Variants in ZNF385B observed in about 807,000 individuals in gnomAD.
ZNF385B encodes zinc finger protein 385B, also known as zinc finger protein 533.
A neutral mutation model predicts 39.2 loss-of-function variants in ZNF385B; 23 were observed. That is an observed-to-expected ratio of 0.59 (90% confidence interval 0.42 to 0.83). The LOEUF is 0.83. Among genes scored for constraint, ZNF385B ranks in the 40% least tolerant of loss-of-function variants. ZNF385B has a pLI of 0.00. For missense variants in ZNF385B, 552 were observed against 598.9 expected, an observed-to-expected ratio of 0.92 and a Z score of 0.82; for synonymous variants, 205 against 222.6, an observed-to-expected ratio of 0.92 and a Z score of 0.70.
chr2:179,446,256 A>C (rs1252675113), intron 7 of ZNF385B, among the ~76,000 whole-genome samples: 1 of 152,104 alleles, frequency 6.6e-6, no homozygotes, highest in Non-Finnish European at 1.5e-5. Flanking sequence ...ATTTATCTTC[A>C]TCTTTGTCAC....
At chr2:179,857,675 G>C (rs1249934638) in intron 1 of ZNF385B, among the ~76,000 whole-genome samples, 1 of 152,180 alleles carries the variant, frequency 6.6e-6, no homozygotes, top group Non-Finnish European at 1.5e-5. Flanking sequence ...GGGAGGGGGA[G>C]CTAGTGGGAT....
At chr2:179,644,809 A>G (rs1350120218) in intron 3 of ZNF385B, among the ~76,000 whole-genome samples, 1 of 152,064 alleles carries the variant, frequency 6.6e-6, no homozygotes, top group Non-Finnish European at 1.5e-5. Flanking sequence ...TTTCCTAAAA[A>G]GCATCCCTTT....
At chr2:179,671,991 G>A (rs915651101) in intron 3 of ZNF385B, among the ~76,000 whole-genome samples, 3 of 152,234 alleles carry the variant, frequency 2.0e-5, no homozygotes, top group Admixed American at 1.3e-4. Context: ...TCCAGCTCAA[G>A]AGAACTGCAG....
At chr2:179,850,126 T>TG (rs965670174) in intron 1 of ZNF385B, among the ~76,000 whole-genome samples, 14 of 152,124 alleles carry the variant, frequency 9.2e-5, no homozygotes, top group African/African-American at 1.4e-4. Flanking sequence ...AATAAAAAGC[T>TG]GGGGGGGAAA....
At chr2:179,818,421 T>C (rs572994665) in intron 1 of ZNF385B, among the ~76,000 whole-genome samples, 8 of 152,206 alleles carry the variant, frequency 5.3e-5, no homozygotes, top group Admixed American at 3.3e-4. Flanking sequence ...AATAACCTGA[T>C]ATAATTAACT....
At chr2:179,613,973 T>G (rs536396292) in intron 3 of ZNF385B, among the ~76,000 whole-genome samples, 11 of 150,600 alleles carry the variant, frequency 7.3e-5, no homozygotes, top group African/African-American at 2.7e-4. Context: ...CTGCCTGGTG[T>G]TGTTTTCTGT....
At chr2:179,476,361 A>T (rs541375820) in intron 6 of ZNF385B, among the ~76,000 whole-genome samples, 1 of 152,330 alleles carries the variant, frequency 6.6e-6, no homozygotes, top group South Asian at 2.1e-4. Context: ...GTTAAAATAA[A>T]TTCGAATGAG....
intron 3 of ZNF385B, among the ~76,000 whole-genome samples, chr2:179,668,260 AT>A (rs1329282343): frequency 6.6e-6 from 1 of 152,226 alleles, no homozygotes; most frequent in Admixed American, 6.5e-5. Flanking sequence ...ACCTCAAAAT[AT>A]TTGTTGGTAA....
At chr2:179,531,042 A>G (rs778449250) in intron 4 of ZNF385B, among the ~76,000 whole-genome samples, 2 of 152,172 alleles carry the variant, frequency 1.3e-5, no homozygotes, top group African/African-American at 2.4e-5. Flanking sequence ...CAGTTTTTAG[A>G]AACTGAGTTC....
intron 3 of ZNF385B, among the ~76,000 whole-genome samples, chr2:179,730,207 G>T (rs1029688183): frequency 6.6e-6 from 1 of 152,102 alleles, no homozygotes; most frequent in Non-Finnish European, 1.5e-5. Flanking sequence ...CTAAGTTTAT[G>T]CCCGGGTCCT....
intron 3 of ZNF385B, among the ~76,000 whole-genome samples, chr2:179,589,861 T>C (rs144625528): frequency 6.6e-6 from 1 of 152,358 alleles, no homozygotes; most frequent in Admixed American, 6.5e-5. Flanking sequence ...TGAATGCTTA[T>C]TACTAGTCTG....
At chr2:179,556,630 G>A (rs1574779908) in intron 3 of ZNF385B, among the ~76,000 whole-genome samples, 3 of 149,304 alleles carry the variant, frequency 2.0e-5, no homozygotes, top group Non-Finnish European at 3.0e-5. Flanking sequence ...AGGTCACAGC[G>A]CCTGATGAAA....
At chr2:179,837,765 C>G (rs149017926) in intron 1 of ZNF385B, among the ~76,000 whole-genome samples, 1 of 152,074 alleles carries the variant, frequency 6.6e-6, no homozygotes, top group Non-Finnish European at 1.5e-5. Context: ...AAATATCAAG[C>G]CTATTTTCCT....
intron 5 of ZNF385B, among the ~76,000 whole-genome samples, chr2:179,493,769 A>ATATGTG (rs2055772467): frequency 2.2e-5 from 2 of 89,778 alleles, no homozygotes; most frequent in Non-Finnish European, 2.6e-5. Context: ...ATATGTATAC[A>ATATGTG]TATATGTATA....
At chr2:179,722,627 T>A (rs980514376) in intron 3 of ZNF385B, among the ~76,000 whole-genome samples, 2 of 152,124 alleles carry the variant, frequency 1.3e-5, no homozygotes, top group African/African-American at 4.8e-5. Context: ...CAATTGTAGA[T>A]TAATATATTT....
rs917095048 is a variant in ZNF385B, at chr2:179,562,453, GAT to G, written c.299-17486_299-17485del. On this transcript the variant is annotated intron_variant, in intron 3 of 9. Coordinates refer to ENST00000410066, the MANE Select transcript of ZNF385B (RefSeq NM_152520.6). ...ACGTCTGCATTTGAGCACTGTACGAGATGTTACATTTAAAAGTAAATAATTCC... is the reference window on the plus strand; with the variant it reads ...ACGTCTGCATTTGAGCACTGTACGAGGTTACATTTAAAAGTAAATAATTCC... 17 of 985,274 alleles carry G rather than the reference GAT, an allele frequency of 1.7e-5. No individual in the cohort carries two copies. In the African/African-American group the frequency reaches 3.0e-4, roughly 17 times the overall value. The allele number at this position is 985,274 out of a possible 1,614,324, so 61.0% of individuals were successfully genotyped here.
At chr2:179,540,757 T>G (rs1277559058) in intron 4 of ZNF385B, among the ~76,000 whole-genome samples, 3 of 152,144 alleles carry the variant, frequency 2.0e-5, no homozygotes, top group Admixed American at 1.3e-4. Flanking sequence ...GAAGACAGAT[T>G]AACAGGTAAT....
intron 1 of ZNF385B, among the ~76,000 whole-genome samples, chr2:179,795,261 A>G (rs1220705404): frequency 4.6e-5 from 7 of 151,854 alleles, no homozygotes; most frequent in Admixed American, 4.6e-4. Context: ...TTCAGGGGAA[A>G]AAAAGCAGAA....
In ZNF385B at chr2:179,688,501, A is replaced by ACAACAC. The variant is rs1698100529; in HGVS notation, c.298+81001_298+81002insGTGTTG. Reference sequence around the variant, plus strand: ...CCTGTCCCCCTGCAAAACAACAACAACAACAACAACAACAACAAAAACAGA... The same window carrying ACAACAC: ...CCTGTCCCCCTGCAAAACAACAACAACAACACCAACAACAACAACAACAAAAACAGA... On this transcript the variant is annotated intron_variant, in intron 3 of 9. Transcript: ENST00000410066. 2.0e-5 allele frequency among the ~76,000 whole-genome samples: 3 copies of ACAACAC among 151,510 alleles called. No individual in the cohort carries two copies. In the East Asian group the frequency reaches 5.8e-4, roughly 29 times the overall value.
Sources: gnomAD v4.1 joint callset for allele counts (sites outside exome capture counted in the v4.1 genomes callset) on GRCh38, gnomAD v4.1.1 for gene constraint, MANE v1.5 for transcripts, NCBI Gene and HGNC (gene_info 2026-07-23, HGNC 2026-07-21) for gene names.